NEK6: variants seen among roughly 807,000 people sequenced by gnomAD.
NEK6 encodes NIMA related kinase 6.
NEK6 carries 27 observed loss-of-function variants against 43.5 expected under a neutral mutation model. The ratio of observed to expected loss-of-function variants is 0.62; its 90% CI spans 0.46 to 0.86. NEK6 has a LOEUF of 0.86. Among genes scored for constraint, NEK6 ranks in the 40% least tolerant of loss-of-function variants. NEK6 has a pLI of 0.00. For synonymous variants in NEK6, 167 were observed against 164.1 expected (o/e 1.02, Z -0.14); for missense variants, 318 against 414.4 (o/e 0.77, Z 2.02).
intron 2 of NEK6, among the ~76,000 whole-genome samples, chr9:124,308,617 C>T (rs567774260): frequency 6.7e-6 from 1 of 148,490 alleles, no homozygotes; most frequent in African/African-American, 2.5e-5. Context: ...GATCGCGCCA[C>T]AGCGCTCCAG....
At chr9:124,321,194 A>G (rs1834049665) in intron 4 of NEK6, among the ~76,000 whole-genome samples, 1 of 152,222 alleles carries the variant, frequency 6.6e-6, no homozygotes, top group Admixed American at 6.5e-5. Context: ...GTATTGACCC[A>G]TGTCGTCTTC....
intron 7 of NEK6, among the ~76,000 whole-genome samples, chr9:124,335,558 G>A (rs7873804): frequency 0.95 from 144,694 of 152,350 alleles, 69,099 homozygotes; most frequent in East Asian, 1. Context: ...TCAGTTAAAT[G>A]AGCAGTGTGT....
intron 1 of NEK6, among the ~76,000 whole-genome samples, chr9:124,295,306 A>G (rs1426841391): frequency 6.6e-6 from 1 of 152,180 alleles, no homozygotes; most frequent in Non-Finnish European, 1.5e-5. Flanking sequence ...ACCAGACTCC[A>G]TCTGTGGCTT....
At chr9:124,279,365 G>A (rs906002857) in intron 1 of NEK6, among the ~76,000 whole-genome samples, 1 of 147,250 alleles carries the variant, frequency 6.8e-6, no homozygotes, top group Non-Finnish European at 1.5e-5. Context: ...GCAGTGGCAC[G>A]ATCTCGGCTC....
At position 124,302,689 on chromosome 9, in the gene NEK6, A is replaced by C. The variant is rs566832548; in HGVS notation, c.90+635A>C. Among the ~76,000 whole-genome samples the C allele has an allele frequency of 8.5e-5, 13 of 152,270 alleles. No homozygotes were observed. In the East Asian group the frequency reaches 2.5e-3, roughly 29 times the overall value. On this transcript the variant is annotated intron_variant, in intron 2 of 9. Coordinates refer to ENST00000320246, the MANE Select transcript of NEK6 (RefSeq NM_014397.6). ...GCACGCCCTCTCTGACCCCTCTTCC[A>C]AGTCAGTGCAAATGCTGCTCCCTCT...
At chr9:124,273,231 A>C (rs1394021868) in intron 1 of NEK6, among the ~76,000 whole-genome samples, 2 of 152,156 alleles carry the variant, frequency 1.3e-5, no homozygotes, top group Non-Finnish European at 2.9e-5. Context: ...GGGCGGCCTT[A>C]TTCCACATCC....
chr9:124,323,727 G>A (rs2130929155), intron 5 of NEK6, among the ~76,000 whole-genome samples: 1 of 152,246 alleles, frequency 6.6e-6, no homozygotes, highest in South Asian at 2.1e-4. Flanking sequence ...CTCTTGGAGG[G>A]AGCATTGCAG....
intron 1 of NEK6, among the ~76,000 whole-genome samples, chr9:124,295,874 A>G (rs1387041986): frequency 6.6e-6 from 1 of 152,212 alleles, no homozygotes; most frequent in Non-Finnish European, 1.5e-5. Flanking sequence ...AGCTCTCTCC[A>G]CTGTGTGGAC....
intron 1 of NEK6, among the ~76,000 whole-genome samples, chr9:124,262,341 C>T (rs148531961): frequency 3.3e-4 from 51 of 152,316 alleles, no homozygotes; most frequent in Non-Finnish European, 6.5e-4. Flanking sequence ...ACAGAGGAGC[C>T]GACATTGGGG....
At chr9:124,339,138 C>T (rs1280492023) in intron 7 of NEK6, among the ~76,000 whole-genome samples, 1 of 150,314 alleles carries the variant, frequency 6.7e-6, no homozygotes, top group African/African-American at 2.5e-5. Context: ...AAGTGATTCT[C>T]CTGCCTCAGC....
chr9:124,274,956 T>C (rs2118944233), intron 1 of NEK6, among the ~76,000 whole-genome samples: 1 of 152,248 alleles, frequency 6.6e-6, no homozygotes, highest in East Asian at 1.9e-4. Flanking sequence ...TGCACAGGAA[T>C]GAAAAGATGG....
intron 2 of NEK6, among the ~76,000 whole-genome samples, chr9:124,306,216 G>T (rs1172409962): frequency 6.6e-6 from 1 of 152,130 alleles, no homozygotes; most frequent in Non-Finnish European, 1.5e-5. Context: ...GGGTTGTCAG[G>T]AGTGGCAGCT....
At chr9:124,291,153 G>A (rs1274846872) in intron 1 of NEK6, among the ~76,000 whole-genome samples, 4 of 152,094 alleles carry the variant, frequency 2.6e-5, no homozygotes, top group African/African-American at 7.2e-5. Flanking sequence ...CCAGCACCCC[G>A]GGCAGTAGAT....
At position 124,323,249 on chromosome 9, in the gene NEK6, A is replaced by ACTGAG. The variant is rs1354471104; in HGVS notation, c.405+1689_405+1693dup. ...GAGAAGGCTTCCTGGAGGAGGTGAC[A>ACTGAG]CTGAGCTGAGCTGTTAGGGGAGGTG... On this transcript the variant is annotated intron_variant, in intron 5 of 9. Coordinates refer to ENST00000320246, the MANE Select transcript of NEK6 (RefSeq NM_014397.6). Among the ~76,000 whole-genome samples, 15 of 152,326 alleles carry ACTGAG rather than the reference A, an allele frequency of 9.8e-5. No individual in the cohort carries two copies. The East Asian group carries it at 1.5e-3, about 16-fold the overall frequency.
intron 1 of NEK6, among the ~76,000 whole-genome samples, chr9:124,276,100 A>T (rs1831639975): frequency 6.6e-6 from 1 of 151,270 alleles, no homozygotes; most frequent in South Asian, 2.1e-4. Context: ...GAGGAGGGGG[A>T]ACGGGGCTGT....
intron 1 of NEK6, among the ~76,000 whole-genome samples, chr9:124,300,319 T>C (rs1832899790): frequency 6.6e-6 from 1 of 152,140 alleles, no homozygotes; most frequent in Admixed American, 6.5e-5. Context: ...GCCGGACCTC[T>C]AGGAGCTGGC....
At chr9:124,284,754 C>T (rs531938873) in intron 1 of NEK6, among the ~76,000 whole-genome samples, 1 of 152,344 alleles carries the variant, frequency 6.6e-6, no homozygotes, top group East Asian at 1.9e-4. Context: ...GTGGAACTTT[C>T]TCTGCTCTTG....
intron 1 of NEK6, among the ~76,000 whole-genome samples, chr9:124,280,795 AT>A (rs1215132526): frequency 6.6e-6 from 1 of 151,682 alleles, no homozygotes; most frequent in East Asian, 1.9e-4. Context: ...TTTTCTCTTC[AT>A]TTTTTTCTTT....
intron 8 of NEK6, among the ~76,000 whole-genome samples, chr9:124,346,074 A>G (rs947553910): frequency 2.6e-5 from 4 of 152,082 alleles, no homozygotes; most frequent in Admixed American, 6.5e-5. Flanking sequence ...GAGGGGCCCA[A>G]GCTCCCAGCC....
Sources: gnomAD v4.1 joint callset for allele counts (sites outside exome capture counted in the v4.1 genomes callset) on GRCh38, gnomAD v4.1.1 for gene constraint, MANE v1.5 for transcripts, NCBI Gene and HGNC (gene_info 2026-07-23, HGNC 2026-07-21) for gene names.